The following TBC1D4 variants were observed in gnomAD, a reference collection of about 807,000 sequenced individuals.
TBC1D4 encodes the protein TBC1 domain family member 4, also known as TBC (Tre-2, BUB2, CDC16) domain-containing protein.
TBC1D4 carries 121 observed loss-of-function variants against 142.5 expected under a neutral mutation model. That is an observed-to-expected ratio of 0.85 (90% CI 0.73 to 0.99). The LOEUF (loss-of-function observed/expected upper bound fraction) is 0.99, where lower values mean the gene tolerates loss of function less well. Among genes scored for constraint, TBC1D4 ranks in the 50% least tolerant of loss-of-function variants. TBC1D4 has a pLI of 0.00. For missense variants in TBC1D4, 1,475 were observed against 1,606.6 expected (o/e 0.92, Z 1.40); for synonymous variants, 630 against 628.2 (o/e 1.00, Z -0.04).
chr13:75,311,313 C>A (rs1361350692), intron 13 of TBC1D4, among the ~76,000 whole-genome samples: 1 of 152,158 alleles, frequency 6.6e-6, no homozygotes, highest in African/African-American at 2.4e-5. Context: ...ATGGTTCTTC[C>A]AGCAACGAGT....
At chr13:75,303,596 T>C (rs908555025) in intron 15 of TBC1D4, among the ~76,000 whole-genome samples, 28 of 152,204 alleles carry the variant, frequency 1.8e-4, no homozygotes, top group Non-Finnish European at 1.5e-5. Context: ...TTTGGACACA[T>C]TGAATCGGCA....
chr13:75,354,103 C>G (rs989930328), intron 4 of TBC1D4, among the ~76,000 whole-genome samples: 4 of 152,180 alleles, frequency 2.6e-5, no homozygotes, highest in Non-Finnish European at 5.9e-5. Flanking sequence ...TGTGGTCTGA[C>G]CCAGAGAAGA....
At chr13:75,368,827 T>A (rs990405573) in intron 1 of TBC1D4, among the ~76,000 whole-genome samples, 2 of 152,064 alleles carry the variant, frequency 1.3e-5, no homozygotes, top group African/African-American at 4.8e-5. Flanking sequence ...GTGGATCACT[T>A]GAGGTCAGGA....
At chr13:75,440,981 G>C (rs1308889170) in intron 1 of TBC1D4, among the ~76,000 whole-genome samples, 1 of 152,168 alleles carries the variant, frequency 6.6e-6, no homozygotes, top group African/African-American at 2.4e-5. Context: ...GGACAGGCCA[G>C]GCACGGTGCT....
intron 19 of TBC1D4, among the ~76,000 whole-genome samples, 195 bp from the exon 20 acceptor site, chr13:75,289,305 CAGAT>C (rs1875025525): frequency 6.6e-6 from 1 of 151,924 alleles, no homozygotes; most frequent in African/African-American, 2.4e-5. Context: ...AACATAAAAA[CAGAT>C]AGCTCTTTCT....
chr13:75,402,633 T>C (rs1165844281), intron 1 of TBC1D4, among the ~76,000 whole-genome samples: 1 of 148,126 alleles, frequency 6.8e-6, no homozygotes, highest in Non-Finnish European at 1.5e-5. Flanking sequence ...TCATTTTCCA[T>C]GTGGTCTTCC....
Position 75,362,129 on chromosome 13 carries a change from A to T in TBC1D4, c.977T>A (p.Val326Asp). Residue 326 changes from valine (V) to aspartate (D), a missense_variant, in exon 2 of 21, where the codon GTT becomes GAT. Coordinates refer to ENST00000377636, the MANE Select transcript of TBC1D4 (RefSeq NM_014832.5). The surrounding 1 kb of genome is among the most constrained non-coding windows in gnomAD (Gnocchi z 4.2). Reference protein sequence around the residue: ...CSSVTGVQRRVHEGSQKSQPR... With the variant: ...CSSVTGVQRRDHEGSQKSQPR... ...CTGGGATTTCTGGCTGCCCTCGTGA[A>T]CTCTCCGTTGCACGCCGGTGACACT... is the stretch of plus-strand genomic sequence containing the variant. The T allele has an allele frequency of 6.2e-7, 1 of 1,613,640 alleles. No homozygotes were observed. The highest frequency in any genetic ancestry group is 8.5e-7 in the Non-Finnish European group (1 of 1,179,966).
intron 1 of TBC1D4, among the ~76,000 whole-genome samples, chr13:75,389,488 G>T (rs1348460717): frequency 6.6e-6 from 1 of 151,994 alleles, no homozygotes; most frequent in Non-Finnish European, 1.5e-5. Flanking sequence ...AGCACTGTAA[G>T]TAGAAACAGA....
intron 1 of TBC1D4, among the ~76,000 whole-genome samples, chr13:75,382,001 A>C (rs984946186): frequency 4.6e-5 from 7 of 152,210 alleles, no homozygotes; most frequent in Admixed American, 1.3e-4. Flanking sequence ...AACACTAGGA[A>C]ACCCATTGAG....
intron 1 of TBC1D4, among the ~76,000 whole-genome samples, chr13:75,368,448 G>A (rs1883043676): frequency 6.6e-6 from 1 of 151,506 alleles, no homozygotes; most frequent in African/African-American, 2.4e-5. Context: ...CCAGGCTTTA[G>A]TTCTTAGATA....
At position 75,362,429 on chromosome 13, in the gene TBC1D4, A is replaced by G. The variant is rs1882610157; in HGVS notation, c.677T>C (p.Met226Thr). 6.2e-7 allele frequency: 1 copy of G among 1,614,188 alleles called. No homozygotes were observed. Among genetic ancestry groups the G allele is most frequent in the Non-Finnish European group, 8.5e-7 (1 of 1,180,036 alleles). ...CTGTTCGTGCAGGCTGAACTTCTCC[A>G]TGCAGTCATCGATGAGGCTTGAGGG... is the stretch of plus-strand genomic sequence containing the variant. ...KAPSSLIDDCMEKFSLHEQQR... is the reference protein window; with the variant it reads ...KAPSSLIDDCTEKFSLHEQQR... The change falls in exon 2 of 21, where the codon ATG becomes ACG. Residue 226 changes from methionine (M) to threonine (T), a missense_variant. Met to Thr is a moderately conservative substitution (Grantham distance 81, BLOSUM62 -1). This residue lies in a region of TBC1D4 where 1,227 missense variants were observed against 1,267.7 expected (regional missense o/e 0.97). Coordinates refer to ENST00000377636, the MANE Select transcript of TBC1D4 (RefSeq NM_014832.5). This position sits in a 1 kb window ranked among gnomAD's most constrained non-coding sequence, Gnocchi z 4.2.
chr13:75,286,674 G>GC lies in TBC1D4; in HGVS notation c.*117dup. On this transcript the variant is annotated 3_prime_UTR_variant, in exon 21 of 21. Coordinates refer to ENST00000377636, the MANE Select transcript of TBC1D4 (RefSeq NM_014832.5). Reference sequence around the variant, plus strand: ...TCCACCTGCTGTGACTAGGCGCTCAGCACCAGTATTAGGTGGTTCCATCAG... The same window carrying GC: ...TCCACCTGCTGTGACTAGGCGCTCAGCCACCAGTATTAGGTGGTTCCATCAG... 9.9e-7 allele frequency: 1 copy of GC among 1,005,118 alleles called. No homozygotes were observed. Among genetic ancestry groups the GC allele is most frequent in the Non-Finnish European group, 1.5e-6 (1 of 654,336 alleles). The allele number at this position is 1,005,118 out of a possible 1,614,324, so 62.3% of individuals were successfully genotyped here.
intron 1 of TBC1D4, among the ~76,000 whole-genome samples, chr13:75,374,775 T>C (rs1198549828): frequency 5.3e-5 from 8 of 152,182 alleles, no homozygotes; most frequent in Non-Finnish European, 1.2e-4. Flanking sequence ...TCATTTTTTT[T>C]TCACACATGG....
At chr13:75,316,253 C>A (rs1369042894) in intron 12 of TBC1D4, among the ~76,000 whole-genome samples, 2 of 152,132 alleles carry the variant, frequency 1.3e-5, no homozygotes, top group East Asian at 3.9e-4. Context: ...CTATAAAATA[C>A]AAAGTTTTGG....
At chr13:75,451,871 A>G (rs1342413208) in intron 1 of TBC1D4, among the ~76,000 whole-genome samples, 1 of 151,732 alleles carries the variant, frequency 6.6e-6, no homozygotes, top group Non-Finnish European at 1.5e-5. Context: ...CAAAAAACTG[A>G]TAATTGTTTT....
At chr13:75,361,945 G>T in intron 2 of TBC1D4, 81 bp downstream of exon 2, 1 of 1,463,440 alleles carries the variant, frequency 6.8e-7, no homozygotes, top group South Asian at 1.1e-5. Context: ...TATAGAGGTG[G>T]AGCTGGGAGG....
chr13:75,373,611 G>C (rs1289283398), intron 1 of TBC1D4, among the ~76,000 whole-genome samples: 1 of 152,156 alleles, frequency 6.6e-6, no homozygotes, highest in Admixed American at 6.5e-5. Flanking sequence ...TCACAGTAGA[G>C]GTCAACTCCT....
At chr13:75,341,265 A>G in intron 6 of TBC1D4, 30 bp from the exon 7 acceptor site, 1 of 1,570,652 alleles carries the variant, frequency 6.4e-7, no homozygotes, top group Non-Finnish European at 8.8e-7. Context: ...AAAGAACACT[A>G]TGGCAACACC....
intron 1 of TBC1D4, among the ~76,000 whole-genome samples, chr13:75,480,031 C>CAAA (rs59073862): frequency 0.011 from 1,567 of 144,694 alleles, 19 homozygotes; most frequent in Non-Finnish European, 0.018. Context: ...GACTCCGTCT[C>CAAA]AAAAAAAAAA....
Sources: allele counts gnomAD v4.1 joint callset (sites outside exome capture counted in the v4.1 genomes callset), GRCh38; gene constraint gnomAD v4.1.1; regional missense constraint gnomAD v4.1.1; non-coding constraint Gnocchi (gnomAD v3.1); transcripts MANE v1.5; gene names NCBI Gene and HGNC (gene_info 2026-07-23, HGNC 2026-07-21).